The following ARHGEF18 variants were observed in gnomAD, a reference collection of about 807,000 sequenced individuals.
ARHGEF18 encodes rho guanine nucleotide exchange factor 18.
In ARHGEF18, 93 loss-of-function variants were observed where a neutral mutation model predicts 155.7. That is an observed-to-expected ratio of 0.60 (90% CI 0.50 to 0.71). The LOEUF is 0.71. ARHGEF18 is among the 30% of genes least tolerant of loss of function. The pLI is 0.00. For synonymous variants in ARHGEF18, 742 were observed against 753.1 expected, an observed-to-expected ratio of 0.99 and a Z score of 0.24; for missense variants, 1,593 against 1,816.1, an observed-to-expected ratio of 0.88 and a Z score of 2.23.
chr19:7,383,658 T>G (rs1018986325), intron 10 of ARHGEF18, among the ~76,000 whole-genome samples: 1 of 152,138 alleles, frequency 6.6e-6, no homozygotes, highest in African/African-American at 2.4e-5. Context: ...TGGCCCTGTC[T>G]GTGTCCCAGT....
At chr19:7,450,199 G>A (rs979437104) in intron 15 of ARHGEF18, among the ~76,000 whole-genome samples, 28 of 143,542 alleles carry the variant, frequency 2.0e-4, no homozygotes, top group Non-Finnish European at 3.7e-4. Context: ...GTCCATTTCC[G>A]AGCTGTTAAT....
In ARHGEF18 at chr19:7,364,004, G is replaced by A. The variant is rs992318457; in HGVS notation, c.15+1099G>A. On this transcript the variant is annotated intron_variant, in intron 2 of 28. Transcript: ENST00000668164. Reference sequence around the variant, plus strand: ...GAGTAGAAGGGTGAGAGGAAGGAAGGAAGGAAGATGGGTGGATGAAAGGAA... The same window carrying A: ...GAGTAGAAGGGTGAGAGGAAGGAAGAAAGGAAGATGGGTGGATGAAAGGAA... Among the ~76,000 whole-genome samples, 8 of 150,572 alleles carry A rather than the reference G, an allele frequency of 5.3e-5. 1 individual carries two copies. Among genetic ancestry groups the A allele is most frequent in the African/African-American group, 1.5e-4 (6 of 41,074 alleles).
intron 10 of ARHGEF18, among the ~76,000 whole-genome samples, chr19:7,394,258 TA>T (rs2145527356): frequency 6.6e-6 from 1 of 152,160 alleles, no homozygotes; most frequent in Admixed American, 6.5e-5. Flanking sequence ...CTGCTCATTT[TA>T]AAAAATGTTT....
chr19:7,377,261 G>C (rs1345871178), intron 5 of ARHGEF18, among the ~76,000 whole-genome samples: 1 of 152,092 alleles, frequency 6.6e-6, no homozygotes, highest in African/African-American at 2.4e-5. Flanking sequence ...AGTAGACACA[G>C]GGTTTCGCCA....
rs144388403 is a variant in ARHGEF18, at chr19:7,358,271, T to TTCCATCCA, written c.-110-4493_-110-4486dup. Among the ~76,000 whole-genome samples the TTCCATCCA allele has an allele frequency of 1.1e-3, 141 of 133,450 alleles. 2 individuals are homozygous for TTCCATCCA. In the East Asian group the frequency reaches 0.024, roughly 23 times the overall value. The allele number at this position is 133,450 out of a possible 152,430, so 87.5% of individuals were successfully genotyped here. A position where few individuals can be genotyped will look rare whatever the true frequency, so the allele number is the denominator to read the frequency against. Reference sequence around the variant, plus strand: ...CATCCACCCATTCTTCCATCCATTCTTCCATCCATCCATCCATCCATCCAC... The same window carrying TTCCATCCA: ...CATCCACCCATTCTTCCATCCATTCTTCCATCCATCCATCCATCCATCCATCCATCCAC... On this transcript the variant is annotated intron_variant, in intron 1 of 28. Transcript: ENST00000668164.
At chr19:7,364,332 G>T (rs1969780496) in intron 2 of ARHGEF18, among the ~76,000 whole-genome samples, 1 of 130,896 alleles carries the variant, frequency 7.6e-6, no homozygotes, top group Non-Finnish European at 1.6e-5. Context: ...TGAGAAGAAG[G>T]ATGAGAGGAA....
chr19:7,404,529 G>A (rs968761167), intron 10 of ARHGEF18, among the ~76,000 whole-genome samples: 2 of 146,688 alleles, frequency 1.4e-5, no homozygotes, highest in African/African-American at 2.5e-5. Context: ...GCTCAATCTC[G>A]GCTCACTGCA....
chr19:7,469,347 C>T (rs550474038), intron 27 of ARHGEF18, among the ~76,000 whole-genome samples: 1 of 152,354 alleles, frequency 6.6e-6, no homozygotes, highest in Non-Finnish European at 1.5e-5. Context: ...TCTTCTCCAC[C>T]TCAACCCTCA....
At chr19:7,459,102 T>G (rs951492683) in intron 19 of ARHGEF18, among the ~76,000 whole-genome samples, 11 of 152,170 alleles carry the variant, frequency 7.2e-5, no homozygotes, top group Admixed American at 6.5e-4. Context: ...TGGAGTGCAG[T>G]GATGCAATCT....
rs1179408566 is a variant in ARHGEF18 at position 7,440,350 on chromosome 19, T to G, written c.974T>G (p.Leu325Arg). ...CGKPFLSSASLKEHPRGTLLS... is the reference protein window; with the variant it reads ...CGKPFLSSASRKEHPRGTLLS... Reference sequence around the variant, plus strand: ...GTCCTTGCCTCTGTCACAGCCTCGCTCAAGGAGCACCCCCGGGGCACCCTC... The same window carrying G: ...GTCCTTGCCTCTGTCACAGCCTCGCGCAAGGAGCACCCCCGGGGCACCCTC... The change falls in exon 11 of 29, where the codon CTC becomes CGC. Residue 325 changes from leucine (L) to arginine (R), a missense_variant. Coordinates refer to ENST00000668164, the MANE Select transcript of ARHGEF18 (RefSeq NM_001367823.1). This position sits in a 1 kb window ranked among gnomAD's most constrained non-coding sequence, Gnocchi z 5.4. 1 of 1,612,870 alleles carries G rather than the reference T, an allele frequency of 6.2e-7. No homozygotes were observed. Among genetic ancestry groups the G allele is most frequent in the African/African-American group, 1.3e-5 (1 of 74,922 alleles).
intron 1 of ARHGEF18, among the ~76,000 whole-genome samples, chr19:7,352,562 C>G (rs4804531): frequency 8.7e-6 from 1 of 114,294 alleles, no homozygotes; most frequent in Non-Finnish European, 1.7e-5. Flanking sequence ...GAGATGGAAT[C>G]TCACTCTGTC....
intron 10 of ARHGEF18, among the ~76,000 whole-genome samples, chr19:7,421,811 C>T (rs1428317286): frequency 2.6e-5 from 4 of 152,086 alleles, no homozygotes; most frequent in Non-Finnish European, 2.9e-5. Context: ...CCTGACTCCA[C>T]GCACGTCTCA....
intron 2 of ARHGEF18, among the ~76,000 whole-genome samples, chr19:7,367,459 AGCTGGG>A (rs1177730447): frequency 3.3e-5 from 5 of 151,990 alleles, no homozygotes; most frequent in African/African-American, 1.2e-4. Flanking sequence ...AAAAAATACT[AGCTGGG>A]GCCGGGCGTG....
At chr19:7,412,028 TTGTTTGGTTTTTC>T (rs1221015090) in intron 10 of ARHGEF18, among the ~76,000 whole-genome samples, 1 of 130,382 alleles carries the variant, frequency 7.7e-6, no homozygotes, top group African/African-American at 2.7e-5. Context: ...TTGTGTTTTT[TTGTTTGGTTTTTC>T]TTTTTTTTTT....
At chr19:7,418,702 C>T (rs550059951) in intron 10 of ARHGEF18, among the ~76,000 whole-genome samples, 2 of 152,062 alleles carry the variant, frequency 1.3e-5, no homozygotes, top group Non-Finnish European at 2.9e-5. Context: ...GCCCGGGCAG[C>T]GTGGCTGCGA....
At position 7,412,258 on chromosome 19, in the gene ARHGEF18, G is replaced by A. The variant is rs536753374; in HGVS notation, c.968-28086G>A. 9.3e-5 allele frequency among the ~76,000 whole-genome samples: 14 copies of A among 150,984 alleles called. No individual in the cohort carries two copies. The East Asian group carries it at 1.6e-3, about 17-fold the overall frequency. ...TCTCGAACTCCTGACTTCGTATTCCGGCCTCCTCGGCCTCCCAAAGTGCTG... is the reference window on the plus strand; with the variant it reads ...TCTCGAACTCCTGACTTCGTATTCCAGCCTCCTCGGCCTCCCAAAGTGCTG... On this transcript the variant is annotated intron_variant, in intron 10 of 28. Coordinates refer to ENST00000668164, the MANE Select transcript of ARHGEF18 (RefSeq NM_001367823.1).
downstream of ARHGEF18, chr19:7,477,237 G>A (rs746318804): frequency 7.1e-6 from 11 of 1,545,298 alleles, no homozygotes; most frequent in Admixed American, 6.4e-5. Context: ...CCGCCGGCCC[G>A]GGCCGCCTGG....
At chr19:7,367,375 G>A (rs1449570666) in intron 2 of ARHGEF18, among the ~76,000 whole-genome samples, 2 of 151,998 alleles carry the variant, frequency 1.3e-5, no homozygotes, top group African/African-American at 4.8e-5. Flanking sequence ...AGGCCGAGGT[G>A]GGATGGTCAC....
intron 1 of ARHGEF18, among the ~76,000 whole-genome samples, chr19:7,360,154 A>AAACAAC (rs144434108): frequency 6.6e-6 from 1 of 151,708 alleles, no homozygotes; most frequent in African/African-American, 2.4e-5. Flanking sequence ...TCTTGAAACA[A>AAACAAC]AACAACAACA....
Sources: allele counts gnomAD v4.1 joint callset (sites outside exome capture counted in the v4.1 genomes callset), GRCh38; gene constraint gnomAD v4.1.1; non-coding constraint Gnocchi (gnomAD v3.1); transcripts MANE v1.5; gene names NCBI Gene and HGNC (gene_info 2026-07-23, HGNC 2026-07-21).